PIEZO1: variants seen among roughly 807,000 people sequenced by gnomAD.
PIEZO1 encodes piezo-type mechanosensitive ion channel component 1.
Under a neutral mutation model 297.2 loss-of-function variants are expected in PIEZO1, and 296 were observed. That is an observed-to-expected ratio of 1.00 (90% CI 0.91 to 1.10). The LOEUF (loss-of-function observed/expected upper bound fraction) is 1.10, where lower values mean the gene tolerates loss of function less well. Ranked by LOEUF, PIEZO1 falls within the 50% of genes least tolerant of loss-of-function variation. The pLI, the probability that PIEZO1 is intolerant of heterozygous loss-of-function variation, is 0.00. For synonymous variants in PIEZO1, 2,427 were observed against 1,507.5 expected (o/e 1.61, Z -14.13); for missense variants, 5,018 against 3,455.5 (o/e 1.45, Z -11.34).
At chr16:88,778,168 G>A (rs938098885) in intron 1 of PIEZO1, among the ~76,000 whole-genome samples, 4 of 152,226 alleles carry the variant, frequency 2.6e-5, no homozygotes, top group African/African-American at 9.6e-5. Context: ...TCCCGGACCG[G>A]TGTAGCTCAC....
intron 2 of PIEZO1, chr16:88,743,355 AC>A (rs1267722730): frequency 2.2e-6 from 1 of 450,560 alleles, no homozygotes; most frequent in African/African-American, 2.0e-5. Flanking sequence ...TTCCCTTTCC[AC>A]CCCGGCACGT....
chr16:88,732,412 G>C lies in PIEZO1; in HGVS notation c.2914C>G (p.Arg972Gly), dbSNP rs756067217. 7.1e-6 allele frequency: 11 copies of C among 1,549,778 alleles called. No individual in the cohort carries two copies. The highest frequency in any genetic ancestry group is 9.6e-6 in the Non-Finnish European group (11 of 1,146,540). Residue 972 changes from arginine (R) to glycine (G), a missense_variant, in exon 21 of 51, where the codon CGC (arginine) becomes GGC (glycine). Coordinates refer to ENST00000301015, the MANE Select transcript of PIEZO1 (RefSeq NM_001142864.4). ...PAQAVFASGT[R>G]QQLDQDLLGC... is the part of the protein sequence containing the mutation. ...AGCAGATCCTGGTCCAGCTGCTGGCGGGTGCCGCTGGCAAACACGGCCTGG... is the reference window on the plus strand; with the variant it reads ...AGCAGATCCTGGTCCAGCTGCTGGCCGGTGCCGCTGGCAAACACGGCCTGG...
intron 22 of PIEZO1, chr16:88,731,486 G>T: frequency 1.7e-6 from 1 of 573,180 alleles, no homozygotes; most frequent in South Asian, 2.2e-5. Context: ...GGGCAAAAAA[G>T]GAAAAGAGAA....
chr16:88,733,577 G>C lies in PIEZO1; in HGVS notation c.2487+11C>G. The C allele has an allele frequency of 6.5e-7, 1 of 1,535,540 alleles. No homozygotes were observed. Among genetic ancestry groups the C allele is most frequent in the African/African-American group, 1.4e-5 (1 of 72,838 alleles). On this transcript the variant is annotated intron_variant, in intron 18 of 50. Coordinates refer to ENST00000301015, the MANE Select transcript of PIEZO1 (RefSeq NM_001142864.4). ...CCCCAGATGGGAAGCTGAGTTGCCT[G>C]CCACACTCACCTCCTTCAGGGCCAC...
At chr16:88,724,182 G>C (rs1177910167) in intron 30 of PIEZO1, among the ~76,000 whole-genome samples, 3 of 152,260 alleles carry the variant, frequency 2.0e-5, no homozygotes, top group African/African-American at 7.2e-5. Context: ...CTGGGGTGCA[G>C]AGTGGGCCGA....
chr16:88,768,734 C>G (rs1419053344), intron 1 of PIEZO1, among the ~76,000 whole-genome samples: 1 of 152,238 alleles, frequency 6.6e-6, no homozygotes, highest in Non-Finnish European at 1.5e-5. Context: ...CTGACCGTCC[C>G]CACCCCTGCA....
At chr16:88,719,550 G>A (rs749509559) in intron 44 of PIEZO1, 24 bp downstream of exon 44, 40 of 1,547,804 alleles carry the variant, frequency 2.6e-5, no homozygotes, top group African/African-American at 6.8e-5. Flanking sequence ...CCCTTGTCCC[G>A]GCCCCCGCCC....
At chr16:88,761,210 G>C (rs536497656) in intron 1 of PIEZO1, among the ~76,000 whole-genome samples, 21 of 152,362 alleles carry the variant, frequency 1.4e-4, no homozygotes, top group African/African-American at 4.8e-4. Context: ...AAGCCCACAG[G>C]GTCCTGCAGG....
Position 88,784,984 on chromosome 16 carries a change from C to G in PIEZO1, c.-20G>C, listed in dbSNP as rs1445622954. ...CTCCATGGCTGGAGGGCCCAGGGCCCGGCCCAGACCGAGCGGACGCCGCGG... is the reference window on the plus strand; with the variant it reads ...CTCCATGGCTGGAGGGCCCAGGGCCGGGCCCAGACCGAGCGGACGCCGCGG... On this transcript the variant is annotated 5_prime_UTR_variant, in exon 1 of 51. Coordinates refer to ENST00000301015, the MANE Select transcript of PIEZO1 (RefSeq NM_001142864.4). 2.1e-5 allele frequency: 26 copies of G among 1,243,582 alleles called. No homozygotes were observed. 77.0% of individuals were successfully genotyped at this position (1,243,582 alleles called of 1,614,324 possible).
At chr16:88,732,002 G>C (rs1597454913) in intron 21 of PIEZO1, 92 bp from the exon 22 acceptor site, 2 of 57,246 alleles carry the variant, frequency 3.5e-5, no homozygotes, top group Non-Finnish European at 6.4e-5. Flanking sequence ...GCTTGCAGCA[G>C]CCCTGCCTGG....
Position 88,731,757 on chromosome 16 carries a change from G to T in PIEZO1, c.3145C>A (p.Leu1049Met). ...AGGCACAGCAGGTACTGGTACAGCA[G>T]GAACAGCGCCAGGAAGAGGCAGTAG... ...PNYCLFLALF[L>M]LYQYLLCLGM... Residue 1049 changes from leucine to methionine, a missense_variant, in exon 22 of 51, where the codon CTG (leucine) becomes ATG (methionine). Physicochemically the swap from Leu to Met is conservative, Grantham distance 15. Transcript: ENST00000301015. 6.5e-7 allele frequency: 1 copy of T among 1,549,806 alleles called. No homozygotes were observed. Among genetic ancestry groups the T allele is most frequent in the Non-Finnish European group, 8.7e-7 (1 of 1,146,822 alleles).
chr16:88,715,892 G>GC (rs370504431), intron 50 of PIEZO1, 38 bp from the exon 51 acceptor site: 24 of 1,540,370 alleles, frequency 1.6e-5, no homozygotes, highest in African/African-American at 5.5e-5. Flanking sequence ...GCCGCCCGGA[G>GC]CCCCCCGAGC....
At position 88,725,086 on chromosome 16, in the gene PIEZO1, G is replaced by C; in HGVS notation, c.4163-6C>G. 1.3e-6 allele frequency: 2 copies of C among 1,508,692 alleles called. No homozygotes were observed. The highest frequency in any genetic ancestry group is 1.8e-6 in the Non-Finnish European group (2 of 1,131,284). The allele number at this position is 1,508,692 out of a possible 1,614,324, so 93.5% of individuals were successfully genotyped here. ...GCCCCCTGGACTGTCGGGCCCTGTGGAGGGGCAGGGTGAGCATGAGGCAGC... is the reference window on the plus strand; with the variant it reads ...GCCCCCTGGACTGTCGGGCCCTGTGCAGGGGCAGGGTGAGCATGAGGCAGC... On this transcript the variant is annotated splice_region_variant and splice_polypyrimidine_tract_variant and intron_variant, in intron 29 of 50. Transcript: ENST00000301015.
rs375856338 is a variant in PIEZO1 at position 88,721,874 on chromosome 16, C to A, written c.5148G>T (p.Leu1716=). Reference sequence around the variant, plus strand: ...GCCTCGGGATCGACAGCATGGCCCACAGGAAGACGAGCACGGGCAGCACCA... The same window carrying A: ...GCCTCGGGATCGACAGCATGGCCCAAAGGAAGACGAGCACGGGCAGCACCA... ...GSLVLPVLVF[L]WAMLSIPRPS... Residue 1716 remains leucine (L), a synonymous_variant, in exon 37 of 51, where the codon CTG becomes CTT. Transcript: ENST00000301015. 1,234 of 1,549,934 alleles carry A rather than the reference C, an allele frequency of 8.0e-4. 4 individuals are homozygous for A. The highest frequency in any genetic ancestry group is 1.7e-3 in the Middle Eastern group (10 of 6,014).
rs1904294674 is a variant in PIEZO1 at position 88,723,109 on chromosome 16, T to G, written c.4481A>C (p.Glu1494Ala). ...GGCCCACGTACCTGCCGCTGCCTCC[T>G]CGGGGCCCTCTGCTGGCTCCACCTC... is the stretch of plus-strand genomic sequence containing the variant. ...SQEVEPAEGP[E>A]EAAAGRSHVV... Residue 1494 changes from glutamate (E) to alanine (A), a missense_variant, in exon 33 of 51, where the codon GAG (glutamate) becomes GCG (alanine). Glu to Ala is a moderately radical substitution (Grantham distance 107, BLOSUM62 -1). Transcript: ENST00000301015. The G allele has an allele frequency of 9.0e-6, 14 of 1,548,490 alleles. No homozygotes were observed. Among genetic ancestry groups the G allele is most frequent in the Middle Eastern group, 3.4e-4 (2 of 5,968 alleles).
At chr16:88,761,102 G>A in intron 1 of PIEZO1, among the ~76,000 whole-genome samples, 1 of 152,358 alleles carries the variant, frequency 6.6e-6, no homozygotes, top group East Asian at 1.9e-4. Context: ...CGTCTGTGAA[G>A]AAGGTGACTG....
chr16:88,732,267 C>A (rs181125579), intron 21 of PIEZO1, 68 bp downstream of exon 21: 3 of 1,374,064 alleles, frequency 2.2e-6, no homozygotes, highest in Non-Finnish European at 3.0e-6. Context: ...GGTGCCTGCA[C>A]GGTGCAGCCG....
At position 88,715,356 on chromosome 16, in the gene PIEZO1, T is replaced by G. The variant is rs1911902615; in HGVS notation, c.*249A>C. The G allele has an allele frequency of 1.6e-6, 2 of 1,240,624 alleles. No individual in the cohort carries two copies. The highest frequency in any genetic ancestry group is 1.4e-5 in the South Asian group (1 of 71,672). 76.9% of individuals were successfully genotyped at this position (1,240,624 alleles called of 1,614,324 possible). A position where few individuals can be genotyped will look rare whatever the true frequency, so the allele number is the denominator to read the frequency against. Reference sequence around the variant, plus strand: ...ACTGGCCTCTGATTGTCCATTTGTATAAATAAAACATTTTTTAATTAAAAA... The same window carrying G: ...ACTGGCCTCTGATTGTCCATTTGTAGAAATAAAACATTTTTTAATTAAAAA... On this transcript the variant is annotated 3_prime_UTR_variant, in exon 51 of 51. Coordinates refer to ENST00000301015, the MANE Select transcript of PIEZO1 (RefSeq NM_001142864.4).
rs745363309 is a variant in PIEZO1 at position 88,738,589 on chromosome 16, C to A, written c.613G>T (p.Val205Leu). 6.5e-7 allele frequency: 1 copy of A among 1,535,474 alleles called. No homozygotes were observed. Among genetic ancestry groups the A allele is most frequent in the Admixed American group, 2.0e-5 (1 of 50,986 alleles). Residue 205 changes from valine to leucine, a missense_variant, in exon 6 of 51, where the codon GTA becomes TTA. Transcript: ENST00000301015. ...GTACCTGCCAGTGCAAGCAGTGTTA[C>A]GGCCAGGACCCGCCCAGCCGCCACC... ...LLVAAGRVLA[V>L]TLLALAGIAH...
Sources: allele counts gnomAD v4.1 joint callset (sites outside exome capture counted in the v4.1 genomes callset), GRCh38; gene constraint gnomAD v4.1.1; transcripts MANE v1.5; gene names NCBI Gene and HGNC (gene_info 2026-07-23, HGNC 2026-07-21).